RBFOX1: variants seen among roughly 807,000 people sequenced by gnomAD.
RBFOX1 encodes the protein RNA binding fox-1 homolog 1, also known as RNA binding protein fox-1 homolog 1.
Under a neutral mutation model 57.7 loss-of-function variants are expected in RBFOX1, and 8 were observed. That is an observed-to-expected ratio of 0.14 (90% CI 0.08 to 0.25). The LOEUF is 0.25. Ranked by LOEUF, RBFOX1 falls within the 10% of genes least tolerant of loss-of-function variation. The pLI, the probability that RBFOX1 is intolerant of heterozygous loss-of-function variation, is 1.00. For synonymous variants in RBFOX1, 326 were observed against 222.4 expected (o/e 1.47, Z -4.15); for missense variants, 611 against 548.5 (o/e 1.11, Z -1.14).
chr16:7,046,660 C>G (rs192969127), intron 3 of RBFOX1, among the ~76,000 whole-genome samples: 2 of 125,714 alleles, frequency 1.6e-5, no homozygotes, highest in Non-Finnish European at 3.1e-5. Context: ...AGTCTGTGTG[C>G]AATGGCATGA....
chr16:5,893,096 G>A (rs2058084183), intron 4 of RBFOX1, among the ~76,000 whole-genome samples: 1 of 152,168 alleles, frequency 6.6e-6, no homozygotes, highest in South Asian at 2.1e-4. Flanking sequence ...TATCAAATGT[G>A]TATGCAAGTT....
intron 9 of RBFOX1, among the ~76,000 whole-genome samples, chr16:7,597,879 G>A (rs1414989772): frequency 6.6e-6 from 1 of 152,144 alleles, no homozygotes; most frequent in East Asian, 1.9e-4. Flanking sequence ...GTGGTTTAGA[G>A]TATACCTCAT....
At chr16:7,689,596 C>T (rs888979156) in intron 14 of RBFOX1, among the ~76,000 whole-genome samples, 3 of 152,032 alleles carry the variant, frequency 2.0e-5, no homozygotes, top group Admixed American at 6.6e-5. Context: ...CTTGAATGAG[C>T]ACTCTAGGCA....
chr16:6,231,601 G>A (rs543652425), intron 1 of RBFOX1, among the ~76,000 whole-genome samples: 48 of 152,314 alleles, frequency 3.2e-4, no homozygotes, highest in African/African-American at 1.1e-3. Context: ...TACAGTGATT[G>A]CCTGTTCTGA....
intron 4 of RBFOX1, among the ~76,000 whole-genome samples, chr16:7,417,903 T>C (rs540691484): frequency 3.3e-5 from 5 of 152,290 alleles, no homozygotes; most frequent in African/African-American, 1.2e-4. Flanking sequence ...TTCCTGCAGA[T>C]GTATTGGGTT....
intron 4 of RBFOX1, among the ~76,000 whole-genome samples, chr16:7,085,437 GTATCGATA>G (rs1290371818): frequency 6.6e-6 from 1 of 152,080 alleles, no homozygotes; most frequent in Non-Finnish European, 1.5e-5. Context: ...TTTCAAAAAA[GTATCGATA>G]TATTGGCCAA....
At chr16:7,646,626 G>A (rs927726970) in intron 11 of RBFOX1, among the ~76,000 whole-genome samples, 1 of 152,148 alleles carries the variant, frequency 6.6e-6, no homozygotes, top group Non-Finnish European at 1.5e-5. Context: ...TCAAACCAGT[G>A]CACAAATGCA....
At position 6,863,725 on chromosome 16, in the gene RBFOX1, C is replaced by CTTTTTTTTTTTTTTTTTTTTTTT. The variant is rs71408412; in HGVS notation, c.-15-188327_-15-188305dup. Among the ~76,000 whole-genome samples the CTTTTTTTTTTTTTTTTTTTTTTT allele has an allele frequency of 1.2e-3, 81 of 67,766 alleles. 10 individuals are homozygous for CTTTTTTTTTTTTTTTTTTTTTTT. The highest frequency in any genetic ancestry group is 2.8e-3 in the African/African-American group (38 of 13,378). The allele number at this position is 67,766 out of a possible 152,430, so 44.5% of individuals were successfully genotyped here. On this transcript the variant is annotated intron_variant, in intron 3 of 15. Transcript: ENST00000550418. Reference sequence around the variant, plus strand: ...CGGAAGCACAAATTGGATGCCTGCGCTTTTTTTTTTTTTTTTTTTTTTTTT... The same window carrying CTTTTTTTTTTTTTTTTTTTTTTT: ...CGGAAGCACAAATTGGATGCCTGCGCTTTTTTTTTTTTTTTTTTTTTTTTTTTTTTTTTTTTTTTTTTTTTTTT...
chr16:7,048,643 G>C (rs112852202), intron 3 of RBFOX1, among the ~76,000 whole-genome samples: 1 of 151,918 alleles, frequency 6.6e-6, no homozygotes, highest in Middle Eastern at 3.2e-3. Context: ...TTTTCTTACC[G>C]TTTGGAGTCG....
chr16:5,903,908 T>C (rs2058374972), intron 4 of RBFOX1, among the ~76,000 whole-genome samples: 6 of 152,258 alleles, frequency 3.9e-5, no homozygotes, highest in Admixed American at 6.5e-5. Flanking sequence ...GCTGGCTTCC[T>C]CTGTCTTTGC....
At chr16:6,525,032 A>G (rs573220821) in intron 2 of RBFOX1, among the ~76,000 whole-genome samples, 1 of 152,268 alleles carries the variant, frequency 6.6e-6, no homozygotes, top group Non-Finnish European at 1.5e-5. Context: ...AGAGATCTTC[A>G]TGTTAGTGGG....
At chr16:5,245,306 A>C (rs2062269565) in intron 1 of RBFOX1, among the ~76,000 whole-genome samples, 1 of 152,190 alleles carries the variant, frequency 6.6e-6, no homozygotes, top group Non-Finnish European at 1.5e-5. Flanking sequence ...AGGCAAGGAC[A>C]GGAAGTTGAC....
chr16:6,812,344 T>G (rs1457405190), intron 3 of RBFOX1, among the ~76,000 whole-genome samples: 1 of 152,156 alleles, frequency 6.6e-6, no homozygotes, highest in African/African-American at 2.4e-5. Flanking sequence ...AAAGTGCCAA[T>G]TAGCACTGCA....
At chr16:6,896,417 A>C (rs747748860) in intron 3 of RBFOX1, among the ~76,000 whole-genome samples, 5 of 152,042 alleles carry the variant, frequency 3.3e-5, no homozygotes, top group Non-Finnish European at 5.9e-5. Context: ...AACCATCCCT[A>C]CTTTCCCCTC....
chr16:5,428,293 T>G (rs920176834), intron 1 of RBFOX1, among the ~76,000 whole-genome samples: 1 of 152,134 alleles, frequency 6.6e-6, no homozygotes, highest in Non-Finnish European at 1.5e-5. Flanking sequence ...TGATTCATGA[T>G]GAGGTTCAAG....
chr16:7,294,002 A>G (rs532773029), intron 4 of RBFOX1, among the ~76,000 whole-genome samples: 1 of 152,300 alleles, frequency 6.6e-6, no homozygotes, highest in South Asian at 2.1e-4. Context: ...TGTACTTTAA[A>G]GATAAAATTT....
At chr16:6,043,051 G>T (rs557241330) in intron 1 of RBFOX1, among the ~76,000 whole-genome samples, 7 of 141,530 alleles carry the variant, frequency 4.9e-5, no homozygotes, top group Non-Finnish European at 1.1e-4. Context: ...CTGGGAGGCA[G>T]AGGTTGTGTT....
intron 4 of RBFOX1, among the ~76,000 whole-genome samples, chr16:5,907,039 T>C (rs889288776): frequency 1.3e-5 from 2 of 152,002 alleles, no homozygotes; most frequent in Non-Finnish European, 2.9e-5. Context: ...GCCCGGCCCA[T>C]CTGGGGGATT....
At chr16:7,228,722 A>G (rs1314759465) in intron 4 of RBFOX1, among the ~76,000 whole-genome samples, 1 of 152,246 alleles carries the variant, frequency 6.6e-6, no homozygotes, top group Non-Finnish European at 1.5e-5. Flanking sequence ...GTGAAAGAAC[A>G]TTAATTCCAA....
Sources: allele counts gnomAD v4.1 joint callset (sites outside exome capture counted in the v4.1 genomes callset), GRCh38; gene constraint gnomAD v4.1.1; transcripts MANE v1.5; gene names NCBI Gene and HGNC (gene_info 2026-07-23, HGNC 2026-07-21).